NDST4: variants seen among roughly 807,000 people sequenced by gnomAD.
NDST4 encodes N-deacetylase and N-sulfotransferase 4, also known as N-heparan sulfate sulfotransferase 4.
In NDST4, 63 loss-of-function variants were observed where a neutral mutation model predicts 100.8. That is an observed-to-expected ratio of 0.62 (90% CI 0.51 to 0.77). The LOEUF is 0.77. NDST4 is among the 30% of genes least tolerant of loss of function. The probability of loss-of-function intolerance (pLI) is 0.00; values close to 1 mark genes in which losing one functional copy is unlikely to be tolerated. For missense variants in NDST4, 943 were observed against 1,018.4 expected, an observed-to-expected ratio of 0.93 and a Z score of 1.01; for synonymous variants, 377 against 361.8, an observed-to-expected ratio of 1.04 and a Z score of -0.48.
intron 2 of NDST4, among the ~76,000 whole-genome samples, chr4:115,034,748 A>G (rs1000462561): frequency 6.6e-6 from 1 of 152,046 alleles, no homozygotes; most frequent in Non-Finnish European, 1.5e-5. Context: ...TTTTGCACCA[A>G]ATGCTCCCTC....
chr4:114,997,294 T>C (rs999325557), intron 2 of NDST4, among the ~76,000 whole-genome samples: 1 of 152,094 alleles, frequency 6.6e-6, no homozygotes, highest in Non-Finnish European at 1.5e-5. Context: ...TATTGTTTCA[T>C]ATTATTTTCT....
Position 115,020,361 on chromosome 4 carries a change from G to C in NDST4, c.979-43087C>G, listed in dbSNP as rs192789464. The stretch of plus-strand genomic sequence containing the variant: ...GGGTTAATTGTATCGAAGTCCAAAG[G>C]CTTCATAAAAGGCAGAATTTAAGAG... On this transcript the variant is annotated intron_variant, in intron 2 of 13. Transcript: ENST00000264363. Among the ~76,000 whole-genome samples, 21 of 152,160 alleles carry C rather than the reference G, an allele frequency of 1.4e-4. No individual in the cohort carries two copies. The East Asian group carries it at 4.1e-3, about 29-fold the overall frequency.
At chr4:114,872,536 TA>T (rs1724170917) in intron 6 of NDST4, among the ~76,000 whole-genome samples, 1 of 151,946 alleles carries the variant, frequency 6.6e-6, no homozygotes, top group Non-Finnish European at 1.5e-5. Flanking sequence ...GAAAACCTAT[TA>T]AAATGATCAA....
At chr4:114,933,432 C>CTTTTTTTTTTTTTTTTTTCTTTTTT (rs1553955185) in intron 6 of NDST4, among the ~76,000 whole-genome samples, 1 of 89,278 alleles carries the variant, frequency 1.1e-5, no homozygotes, top group African/African-American at 4.5e-5. Flanking sequence ...TTTTCTTTTC[C>CTTTTTTTTTTTTTTTTTTCTTTTTT]TTTTTTTTTT....
intron 2 of NDST4, among the ~76,000 whole-genome samples, chr4:115,010,500 C>T (rs1278462860): frequency 7.9e-6 from 1 of 126,244 alleles, no homozygotes; most frequent in African/African-American, 3.0e-5. Context: ...TACACATGGA[C>T]ACAGGAAGGG....
intron 2 of NDST4, among the ~76,000 whole-genome samples, chr4:115,059,527 T>C (rs1323326423): frequency 6.6e-6 from 1 of 152,038 alleles, no homozygotes; most frequent in Non-Finnish European, 1.5e-5. Flanking sequence ...ACTAAGAACC[T>C]ACATCTGGGA....
intron 2 of NDST4, among the ~76,000 whole-genome samples, chr4:115,056,122 C>A (rs959409469): frequency 6.6e-6 from 1 of 151,966 alleles, no homozygotes; most frequent in African/African-American, 2.4e-5. Flanking sequence ...GAGGTCAAGG[C>A]GAGTAGAGGG....
At chr4:114,871,402 A>G (rs1724146016) in intron 6 of NDST4, among the ~76,000 whole-genome samples, 1 of 152,176 alleles carries the variant, frequency 6.6e-6, no homozygotes, top group African/African-American at 2.4e-5. Flanking sequence ...TTATTTCAGT[A>G]GAGACTGTAA....
At chr4:114,875,138 A>G (rs1406484516) in intron 6 of NDST4, among the ~76,000 whole-genome samples, 1 of 152,174 alleles carries the variant, frequency 6.6e-6, no homozygotes, top group Non-Finnish European at 1.5e-5. Flanking sequence ...CAGTAGGCCA[A>G]TTGCAGCAGG....
chr4:115,011,783 A>G (rs1727552625), intron 2 of NDST4, among the ~76,000 whole-genome samples: 1 of 151,964 alleles, frequency 6.6e-6, no homozygotes, highest in South Asian at 2.1e-4. Context: ...TTTCACATGG[A>G]AGCCAAATAA....
intron 1 of NDST4, among the ~76,000 whole-genome samples, chr4:115,089,285 T>C (rs1274579254): frequency 1.3e-5 from 2 of 151,986 alleles, no homozygotes; most frequent in Non-Finnish European, 1.5e-5. Flanking sequence ...TTTGGAAGGA[T>C]GCTCAACAAA....
chr4:115,087,182 ACT>A (rs1301163803), intron 1 of NDST4, among the ~76,000 whole-genome samples: 1 of 151,878 alleles, frequency 6.6e-6, no homozygotes, highest in Non-Finnish European at 1.5e-5. Context: ...TAAATCTGTG[ACT>A]CTGTCTCATT....
At chr4:114,887,303 T>C (rs557036662) in intron 6 of NDST4, among the ~76,000 whole-genome samples, 10 of 152,152 alleles carry the variant, frequency 6.6e-5, no homozygotes, top group Non-Finnish European at 1.0e-4. Flanking sequence ...GAAAACATGA[T>C]TTTTTTGTGA....
intron 4 of NDST4, among the ~76,000 whole-genome samples, chr4:114,953,714 C>A (rs979486195): frequency 6.6e-6 from 1 of 152,086 alleles, no homozygotes; most frequent in Non-Finnish European, 1.5e-5. Context: ...CAATAAATAA[C>A]TCAAATGCTG....
At chr4:115,112,200 GAAAAAAA>G in intron 1 of NDST4, among the ~76,000 whole-genome samples, 1 of 124,392 alleles carries the variant, frequency 8.0e-6, no homozygotes, top group South Asian at 2.6e-4. Flanking sequence ...CTTTTGATAT[GAAAAAAA>G]AAAAAAAACC....
Position 114,839,452 on chromosome 4 carries a change from G to A in NDST4, c.2212C>T (p.Gln738Ter). 6.2e-7 allele frequency: 1 copy of A among 1,613,958 alleles called. No individual in the cohort carries two copies. The highest frequency in any genetic ancestry group is 8.5e-7 in the Non-Finnish European group (1 of 1,179,884). ...HWAPSDLKTL[Q>*]RRCLVPGWYA... is the part of the protein sequence containing the mutation. ...CATCCAGGTACTAGGCATCTTCTCTGCAAAGTTTTTAAGTCAGATGGAGCC... is the reference window on the plus strand; with the variant it reads ...CATCCAGGTACTAGGCATCTTCTCTACAAAGTTTTTAAGTCAGATGGAGCC... Residue 738 changes from glutamine to a stop codon, truncating the protein, a stop_gained, in exon 11 of 14, where the codon CAG becomes TAG. Coordinates refer to ENST00000264363, the MANE Select transcript of NDST4 (RefSeq NM_022569.3). LOFTEE classifies it high-confidence loss of function.
At chr4:115,017,533 C>T (rs62315297) in intron 2 of NDST4, among the ~76,000 whole-genome samples, 5,737 of 152,104 alleles carry the variant, frequency 0.038, 198 homozygotes, top group Admixed American at 0.09. Flanking sequence ...TCATCTTCTG[C>T]CACCTGGCAG....
chr4:114,859,142 A>G (rs1254515984), intron 7 of NDST4, among the ~76,000 whole-genome samples: 1 of 152,192 alleles, frequency 6.6e-6, no homozygotes, highest in African/African-American at 2.4e-5. Context: ...GTACTCCTTA[A>G]GTCATCTTTA....
chr4:114,830,355 C>T (rs1723168512), intron 12 of NDST4, among the ~76,000 whole-genome samples: 1 of 152,150 alleles, frequency 6.6e-6, no homozygotes, highest in Non-Finnish European at 1.5e-5. Context: ...TGAATATAAA[C>T]ATGAATTAAA....
Sources: allele counts gnomAD v4.1 joint callset (sites outside exome capture counted in the v4.1 genomes callset), GRCh38; gene constraint gnomAD v4.1.1; transcripts MANE v1.5; gene names NCBI Gene and HGNC (gene_info 2026-07-23, HGNC 2026-07-21).